The following WASF3 variants were observed in gnomAD, a reference collection of about 807,000 sequenced individuals.
The protein encoded by WASF3 is actin-binding protein WASF3.
WASF3 carries 11 observed loss-of-function variants against 46.6 expected under a neutral mutation model. That is an observed-to-expected ratio of 0.24 (90% CI 0.15 to 0.39). WASF3 has a LOEUF of 0.39. WASF3 is among the 10% of genes least tolerant of loss of function. The pLI is 1.00. For missense variants in WASF3, 576 were observed against 669.8 expected (o/e 0.86, Z 1.55); for synonymous variants, 242 against 259.7 (o/e 0.93, Z 0.65).
At chr13:26,671,182 C>T (rs1190383808) in intron 5 of WASF3, among the ~76,000 whole-genome samples, 2 of 152,138 alleles carry the variant, frequency 1.3e-5, no homozygotes, top group African/African-American at 2.4e-5. Flanking sequence ...CTGCTAGCTC[C>T]ATCATTGGTT....
chr13:26,643,203 C>G (rs560788325), intron 3 of WASF3, among the ~76,000 whole-genome samples: 1 of 152,240 alleles, frequency 6.6e-6, no homozygotes, highest in Admixed American at 6.5e-5. Context: ...TCACTTCATC[C>G]TGCTCCTTTT....
intron 1 of WASF3, among the ~76,000 whole-genome samples, chr13:26,565,455 A>G (rs1879434673): frequency 1.3e-5 from 2 of 152,208 alleles, no homozygotes; most frequent in Admixed American, 6.5e-5. Flanking sequence ...TAATTTTCCA[A>G]TATAGAACAC....
chr13:26,561,344 G>T (rs1879289135), intron 1 of WASF3, among the ~76,000 whole-genome samples: 1 of 152,078 alleles, frequency 6.6e-6, no homozygotes, highest in Non-Finnish European at 1.5e-5. Context: ...TATGTGGTGG[G>T]GGGAGTTGGG....
At chr13:26,658,050 C>G (rs570312072) in intron 3 of WASF3, among the ~76,000 whole-genome samples, 2 of 152,130 alleles carry the variant, frequency 1.3e-5, no homozygotes, top group Admixed American at 6.5e-5. Flanking sequence ...TATGCAGCAT[C>G]GAGCTGAGAG....
chr13:26,672,747 C>T (rs60898346), intron 6 of WASF3, among the ~76,000 whole-genome samples: 20 of 152,274 alleles, frequency 1.3e-4, no homozygotes, highest in African/African-American at 4.1e-4. Flanking sequence ...AGGAGAAATG[C>T]TTAGCATTTT....
chr13:26,599,593 A>G (rs1483898376), intron 1 of WASF3, among the ~76,000 whole-genome samples: 3 of 152,162 alleles, frequency 2.0e-5, no homozygotes, highest in Non-Finnish European at 4.4e-5. Flanking sequence ...TGGAGATTCT[A>G]ATCTATCATT....
intron 1 of WASF3, among the ~76,000 whole-genome samples, chr13:26,606,143 CATT>C (rs1880788918): frequency 1.3e-5 from 2 of 152,036 alleles, no homozygotes; most frequent in East Asian, 3.9e-4. Context: ...TGGGTTAGCT[CATT>C]TAATTCTCAC....
intron 2 of WASF3, chr13:26,625,947 A>C (rs991224315): frequency 2.0e-5 from 3 of 152,230 alleles, no homozygotes; most frequent in Non-Finnish European, 4.4e-5. Flanking sequence ...ACATCATAAC[A>C]AATAACTGAA....
chr13:26,561,230 G>T (rs1184177171), intron 1 of WASF3, among the ~76,000 whole-genome samples: 1 of 152,130 alleles, frequency 6.6e-6, no homozygotes, highest in Non-Finnish European at 1.5e-5. Context: ...AGAGGGACAC[G>T]GTCAAATTTG....
At chr13:26,624,844 T>C (rs1881417000) in intron 2 of WASF3, among the ~76,000 whole-genome samples, 1 of 152,098 alleles carries the variant, frequency 6.6e-6, no homozygotes, top group South Asian at 2.1e-4. Flanking sequence ...ATTTTTAAAG[T>C]ATCAAGAGAA....
At chr13:26,641,220 G>A (rs1881986875) in intron 2 of WASF3, 1 of 152,228 alleles carries the variant, frequency 6.6e-6, no homozygotes, top group African/African-American at 2.4e-5. Context: ...CTTAAAAGGA[G>A]TTTTAAAAGC....
chr13:26,613,480 A>G (rs1428442306), intron 2 of WASF3, among the ~76,000 whole-genome samples: 1 of 152,168 alleles, frequency 6.6e-6, no homozygotes, highest in Non-Finnish European at 1.5e-5. Flanking sequence ...ACTTAAACCT[A>G]ATCAGTTGGC....
chr13:26,591,103 A>G (rs1008800245), intron 1 of WASF3, among the ~76,000 whole-genome samples: 1 of 151,524 alleles, frequency 6.6e-6, no homozygotes, highest in Non-Finnish European at 1.5e-5. Flanking sequence ...GCTGCTCTCT[A>G]GTGTGTGTGT....
intron 3 of WASF3, among the ~76,000 whole-genome samples, chr13:26,651,588 GA>G (rs1325372766): frequency 6.6e-6 from 1 of 152,170 alleles, no homozygotes; most frequent in Admixed American, 6.5e-5. Context: ...AAGTCTCAGA[GA>G]ATTAGTCCTC....
chr13:26,586,756 A>C (rs1880140139), intron 1 of WASF3, among the ~76,000 whole-genome samples: 1 of 152,182 alleles, frequency 6.6e-6, no homozygotes, highest in Non-Finnish European at 1.5e-5. Context: ...TTCTGACATT[A>C]ACTGGCTCTG....
upstream of WASF3, among the ~76,000 whole-genome samples, chr13:26,557,387 A>G (rs1443369022): frequency 6.6e-6 from 1 of 152,184 alleles, no homozygotes; most frequent in Non-Finnish European, 1.5e-5. Flanking sequence ...TAGCAATCAG[A>G]GGTGATACAA....
Position 26,682,813 on chromosome 13 carries a change from C to T in WASF3, c.1190C>T (p.Pro397Leu), listed in dbSNP as rs533446357. ...GGGCTCCTGGTCACAGCCCCGCCAC[C>T]CCCGGGCCCACCACCTCCCCCGCCA... ...STGLLVTAPP[P>L]PGPPPPPPGP... is the part of the protein sequence containing the mutation. The change falls in exon 9 of 10, where the codon CCC becomes CTC. Residue 397 changes from proline to leucine, a missense_variant. Transcript: ENST00000335327. This position sits in a 1 kb window ranked among gnomAD's most constrained non-coding sequence, Gnocchi z 4.4. 3.4e-5 allele frequency: 54 copies of T among 1,610,656 alleles called. No individual in the cohort carries two copies. In the East Asian group the frequency reaches 6.9e-4, roughly 21 times the overall value.
At chr13:26,550,728 G>C in the WASF3 span, among the ~76,000 whole-genome samples, 1 of 152,142 alleles carries the variant, frequency 6.6e-6, no homozygotes, top group Non-Finnish European at 1.5e-5. Context: ...GGTAACTTCA[G>C]ATCCAGGCAC....
At chr13:26,582,955 T>G (rs1179162752) in intron 1 of WASF3, among the ~76,000 whole-genome samples, 1 of 152,090 alleles carries the variant, frequency 6.6e-6, no homozygotes, top group East Asian at 1.9e-4. Context: ...ATAGATACCT[T>G]GAGAGAATAA....
Sources: gnomAD v4.1 joint callset for allele counts (sites outside exome capture counted in the v4.1 genomes callset) on GRCh38, gnomAD v4.1.1 for gene constraint, Gnocchi (gnomAD v3.1) non-coding constraint, MANE v1.5 for transcripts, NCBI Gene and HGNC (gene_info 2026-07-23, HGNC 2026-07-21) for gene names.